The following GPT2 variants were observed in gnomAD, a reference collection of about 807,000 sequenced individuals.
GPT2 encodes the protein glutamic--pyruvic transaminase 2.
In GPT2, 30 loss-of-function variants were observed where a neutral mutation model predicts 56.9. That is an observed-to-expected ratio of 0.53 (90% CI 0.39 to 0.72). The LOEUF is 0.72. Among genes scored for constraint, GPT2 ranks in the 30% least tolerant of loss-of-function variants. The pLI is 0.00. For synonymous variants in GPT2, 271 were observed against 283.1 expected, an observed-to-expected ratio of 0.96 and a Z score of 0.43; for missense variants, 542 against 703.4, an observed-to-expected ratio of 0.77 and a Z score of 2.60.
chr16:46,886,402 G>A (rs1440708339), intron 2 of GPT2, among the ~76,000 whole-genome samples: 1 of 152,212 alleles, frequency 6.6e-6, no homozygotes, highest in African/African-American at 2.4e-5. Flanking sequence ...AGCAACTCCT[G>A]TGCTGGCTCC....
chr16:46,909,064 T>C (rs928681762), intron 5 of GPT2, among the ~76,000 whole-genome samples: 2 of 152,098 alleles, frequency 1.3e-5, no homozygotes, highest in Admixed American at 6.6e-5. Flanking sequence ...CTGGTGGCAG[T>C]AGATGGGTAT....
At chr16:46,896,067 C>T (rs1960680591) in intron 2 of GPT2, among the ~76,000 whole-genome samples, 1 of 152,162 alleles carries the variant, frequency 6.6e-6, no homozygotes, top group South Asian at 2.1e-4. Context: ...GTTTTTCCTC[C>T]CACTGTGACC....
At chr16:46,904,316 T>C (rs1960878512) in intron 4 of GPT2, among the ~76,000 whole-genome samples, 1 of 152,008 alleles carries the variant, frequency 6.6e-6, no homozygotes, top group Admixed American at 6.6e-5. Context: ...GAGGCTGAGG[T>C]GGGAGAATTG....
intron 1 of GPT2, 61 bp from the exon 2 acceptor site, chr16:46,884,633 G>A (rs1960444311): frequency 1.5e-6 from 2 of 1,316,202 alleles, no homozygotes; most frequent in Non-Finnish European, 1.9e-6. Context: ...GCTTGTGTGG[G>A]GGAGTGCTGC....
chr16:46,899,540 C>T (rs968524313), intron 3 of GPT2, among the ~76,000 whole-genome samples: 7 of 152,178 alleles, frequency 4.6e-5, no homozygotes, highest in African/African-American at 1.7e-4. Flanking sequence ...GGGGCGCTCA[C>T]TGGGCCTCCC....
At chr16:46,913,259 G>T (rs1473733823) in intron 6 of GPT2, among the ~76,000 whole-genome samples, 1 of 152,306 alleles carries the variant, frequency 6.6e-6, no homozygotes, top group Non-Finnish European at 1.5e-5. Flanking sequence ...TTAAGGCTCT[G>T]GTTCTTGCTT....
At position 46,910,071 on chromosome 16, in the gene GPT2, T is replaced by G. The variant is rs909497468; in HGVS notation, c.820+144T>G. ...TTTGCTAACCTAAAGCCATGAAATT[T>G]GCCACAGGCCACCTCAAGAGGTGAG... On this transcript the variant is annotated intron_variant, in intron 6 of 11. Transcript: ENST00000340124. 5.9e-5 allele frequency: 67 copies of G among 1,138,134 alleles called. 1 individual carries two copies. Among genetic ancestry groups the G allele is most frequent in the Non-Finnish European group, 7.9e-5 (65 of 827,454 alleles). 70.5% of individuals were successfully genotyped at this position (1,138,134 alleles called of 1,614,324 possible).
At chr16:46,918,581 T>C (rs2143527680) in intron 7 of GPT2, 40 bp from the exon 8 acceptor site, 1 of 1,608,158 alleles carries the variant, frequency 6.2e-7, no homozygotes, top group Non-Finnish European at 8.5e-7. Flanking sequence ...GCAGCCTCTT[T>C]GAGGACCCTT....
Position 46,918,729 on chromosome 16 carries a change from C to G in GPT2, c.1009C>G (p.His337Asp). 1.2e-6 allele frequency: 2 copies of G among 1,614,180 alleles called. No homozygotes were observed. Among genetic ancestry groups the G allele is most frequent in the Non-Finnish European group, 1.7e-6 (2 of 1,180,022 alleles). Reference protein sequence around the residue: ...YSSNVELASFHSTSKGYMGEC... With the variant: ...YSSNVELASFDSTSKGYMGEC... ...CAGCAACGTGGAGCTCGCCTCCTTC[C>G]ACTCCACCTCCAAGGGCTACATGGG... is the stretch of plus-strand genomic sequence containing the variant. Residue 337 changes from histidine (H) to aspartate (D), a missense_variant, in exon 8 of 12, where the codon CAC (histidine) becomes GAC (aspartate). Transcript: ENST00000340124.
rs1227074908 is a variant in GPT2 at position 46,931,204 on chromosome 16, C to T, written c.*2207C>T. 1 of 152,126 alleles carries T rather than the reference C, an allele frequency of 6.6e-6. No individual in the cohort carries two copies. Among genetic ancestry groups the T allele is most frequent in the Non-Finnish European group, 1.5e-5 (1 of 68,034 alleles). 9.4% of individuals were successfully genotyped at this position (152,126 alleles called of 1,614,324 possible). A position where few individuals can be genotyped will look rare whatever the true frequency, so the allele number is the denominator to read the frequency against. ...GATCAACCTGTGGCTGTTTTCCCGTCTAGGTTCTCACAGGTATCTCCTGAC... is the reference window on the plus strand; with the variant it reads ...GATCAACCTGTGGCTGTTTTCCCGTTTAGGTTCTCACAGGTATCTCCTGAC... On this transcript the variant is annotated 3_prime_UTR_variant, in exon 12 of 12. Coordinates refer to ENST00000340124, the MANE Select transcript of GPT2 (RefSeq NM_133443.4).
intron 2 of GPT2, among the ~76,000 whole-genome samples, chr16:46,886,949 C>T (rs1224602936): frequency 6.6e-6 from 1 of 152,206 alleles, no homozygotes; most frequent in Non-Finnish European, 1.5e-5. Context: ...TCTCTTCTCA[C>T]TGTGAGTCTC....
intron 6 of GPT2, chr16:46,915,445 TAC>T (rs769580963): frequency 4.5e-5 from 6 of 134,586 alleles, no homozygotes; most frequent in East Asian, 2.4e-4. Flanking sequence ...ACACACCAAA[TAC>T]AGACACACAC....
At chr16:46,901,169 C>T (rs1226885049) in intron 4 of GPT2, among the ~76,000 whole-genome samples, 1 of 152,220 alleles carries the variant, frequency 6.6e-6, no homozygotes, top group Non-Finnish European at 1.5e-5. Flanking sequence ...TCTGTGGCCT[C>T]CAGCTCTGAA....
chr16:46,892,512 GT>G (rs1467263300), intron 2 of GPT2, among the ~76,000 whole-genome samples: 3 of 152,146 alleles, frequency 2.0e-5, no homozygotes, highest in Non-Finnish European at 4.4e-5. Flanking sequence ...CCTCCATACT[GT>G]TTTCCATAAT....
intron 8 of GPT2, among the ~76,000 whole-genome samples, chr16:46,920,327 T>G (rs1295102382): frequency 6.6e-6 from 1 of 152,236 alleles, no homozygotes. Context: ...TGGAGAGAGA[T>G]GTGTAAGTCT....
At chr16:46,891,627 G>C (rs901036656) in intron 2 of GPT2, among the ~76,000 whole-genome samples, 5 of 152,076 alleles carry the variant, frequency 3.3e-5, no homozygotes, top group Non-Finnish European at 5.9e-5. Context: ...GGGATTACAG[G>C]TGTGAGCCAC....
intron 2 of GPT2, chr16:46,885,553 C>A (rs940155055): frequency 1.0e-6 from 1 of 985,046 alleles, no homozygotes; most frequent in African/African-American, 1.7e-5. Context: ...CCAGCCACTT[C>A]TGTGGTCTGG....
intron 6 of GPT2, chr16:46,915,383 CCA>C (rs1307966542): frequency 3.5e-5 from 3 of 86,818 alleles, no homozygotes; most frequent in Non-Finnish European, 8.1e-5. Flanking sequence ...CACACACACA[CCA>C]CCACACCTAC....
chr16:46,920,043 C>CA (rs965049045), intron 8 of GPT2, among the ~76,000 whole-genome samples: 1 of 152,072 alleles, frequency 6.6e-6, no homozygotes, highest in Non-Finnish European at 1.5e-5. Flanking sequence ...CCCTTCTCTA[C>CA]AAAAAAATGT....
Sources: gnomAD v4.1 joint callset for allele counts (sites outside exome capture counted in the v4.1 genomes callset) on GRCh38, gnomAD v4.1.1 for gene constraint, MANE v1.5 for transcripts, NCBI Gene and HGNC (gene_info 2026-07-23, HGNC 2026-07-21) for gene names.